Variants in ABL1 observed in about 807,000 individuals in gnomAD.
ABL1 encodes ABL proto-oncogene 1, non-receptor tyrosine kinase, also known as tyrosine-protein kinase ABL1.
ABL1 carries 11 observed loss-of-function variants against 94.7 expected under a neutral mutation model. The ratio of observed to expected loss-of-function variants is 0.12; its 90% CI spans 0.07 to 0.19. ABL1 has a LOEUF of 0.19. ABL1 is among the 10% of genes least tolerant of loss of function. The probability of loss-of-function intolerance (pLI) is 1.00; values close to 1 mark genes in which losing one functional copy is unlikely to be tolerated. For synonymous variants in ABL1, 656 were observed against 622.4 expected (o/e 1.05, Z -0.80); for missense variants, 1,082 against 1,489.4 (o/e 0.73, Z 4.50).
intron 1 of ABL1, among the ~76,000 whole-genome samples, chr9:130,797,826 T>G (rs1246532135): frequency 6.6e-6 from 1 of 152,218 alleles, no homozygotes; most frequent in Non-Finnish European, 1.5e-5. Flanking sequence ...ACACGGGATA[T>G]TCTTCTCCCA....
intron 1 of ABL1, among the ~76,000 whole-genome samples, chr9:130,823,085 C>T (rs1023740105): frequency 2.0e-5 from 3 of 152,156 alleles, no homozygotes; most frequent in South Asian, 2.1e-4. Flanking sequence ...TGTGAGCCAC[C>T]GTGCCCGGCC....
At chr9:130,868,968 C>G (rs1831205169) in intron 4 of ABL1, among the ~76,000 whole-genome samples, 1 of 151,974 alleles carries the variant, frequency 6.6e-6, no homozygotes, top group African/African-American at 2.4e-5. Context: ...GAGATCAAGA[C>G]CATCCTGGTT....
rs1159020296 is a variant in ABL1 at position 130,872,565 on chromosome 9, G to T, written c.908-295G>T. On this transcript the variant is annotated intron_variant, in intron 5 of 10. Transcript: ENST00000318560. This position sits in a 1 kb window ranked among gnomAD's most constrained non-coding sequence, Gnocchi z 5.0. Reference sequence around the variant, plus strand: ...AACCATCAGACCTAACCATTCAGGGGTAAACTGACGGTGGTGAAGGTCATT... The same window carrying T: ...AACCATCAGACCTAACCATTCAGGGTTAAACTGACGGTGGTGAAGGTCATT... Among the ~76,000 whole-genome samples the T allele has an allele frequency of 1.3e-5, 2 of 152,218 alleles. No homozygotes were observed. Among genetic ancestry groups the T allele is most frequent in the Non-Finnish European group, 2.9e-5 (2 of 68,032 alleles).
chr9:130,810,365 G>A (rs1269701319), intron 1 of ABL1, among the ~76,000 whole-genome samples: 3 of 152,156 alleles, frequency 2.0e-5, no homozygotes, highest in South Asian at 4.2e-4. Flanking sequence ...GTGTGGTAGC[G>A]TGCACCTATA....
exon 1 of ABL1, chr9:130,713,893 C>T (rs1424121415): frequency 4.3e-6 from 1 of 232,086 alleles, no homozygotes; most frequent in Admixed American, 5.6e-5. Flanking sequence ...TTGGTGACTT[C>T]CACAGGAAAA....
chr9:130,750,192 C>CATAT lies in ABL1; in HGVS notation c.136+35778_136+35781dup, dbSNP rs56263750. On this transcript the variant is annotated intron_variant, in intron 1 of 10. Transcript: ENST00000372348. ...ACCCTGACTCAAGAAAAAAAAAATACATATATATATATATATATATATATA... is the reference window on the plus strand; with the variant it reads ...ACCCTGACTCAAGAAAAAAAAAATACATATATATATATATATATATATATATATA... Among the ~76,000 whole-genome samples the CATAT allele has an allele frequency of 1.4e-3, 152 of 106,340 alleles. 2 individuals are homozygous for CATAT. Among genetic ancestry groups the CATAT allele is most frequent in the Non-Finnish European group, 2.2e-3 (110 of 49,694 alleles). The allele number at this position is 106,340 out of a possible 152,430, so 69.8% of individuals were successfully genotyped here. A position where few individuals can be genotyped will look rare whatever the true frequency, so the allele number is the denominator to read the frequency against.
chr9:130,865,746 C>CAAA lies in ABL1; in HGVS notation c.822+2731_822+2733dup, dbSNP rs36055589. On this transcript the variant is annotated intron_variant, in intron 4 of 10. Coordinates refer to ENST00000318560, the MANE Select transcript of ABL1 (RefSeq NM_005157.6). ...GGGGAGCAGAGTGAGACCCTGTCTC[C>CAAA]AAAAAAAAAAAAAAAAAAAAAAGCT... 2.3e-3 allele frequency among the ~76,000 whole-genome samples: 141 copies of CAAA among 61,508 alleles called. 1 individual carries two copies. The highest frequency in any genetic ancestry group is 7.3e-3 in the African/African-American group (130 of 17,900). 40.4% of individuals were successfully genotyped at this position (61,508 alleles called of 152,430 possible).
intron 1 of ABL1, among the ~76,000 whole-genome samples, chr9:130,773,593 G>C (rs963924390): frequency 1.3e-5 from 2 of 151,340 alleles, no homozygotes; most frequent in Admixed American, 6.6e-5. Context: ...TGAGTAACTG[G>C]GACTATAGGT....
intron 1 of ABL1, among the ~76,000 whole-genome samples, chr9:130,763,221 G>A (rs535023356): frequency 6.6e-6 from 1 of 151,434 alleles, no homozygotes; most frequent in East Asian, 1.9e-4. Context: ...TTGAATCCAA[G>A]TGAAGTGACC....
In ABL1 at chr9:130,839,888, C is replaced by T. The variant is rs374585256; in HGVS notation, c.79+4363C>T. 8.3e-4 allele frequency among the ~76,000 whole-genome samples: 126 copies of T among 152,308 alleles called. 1 individual carries two copies. The highest frequency in any genetic ancestry group is 2.7e-3 in the African/African-American group (113 of 41,566). Reference sequence around the variant, plus strand: ...CTCATTCTTCTGCACAGGCAGGCAGCTCCCGAGCCAGCCAGTCTGGACCCA... The same window carrying T: ...CTCATTCTTCTGCACAGGCAGGCAGTTCCCGAGCCAGCCAGTCTGGACCCA... On this transcript the variant is annotated intron_variant, in intron 1 of 10. Coordinates refer to ENST00000318560, the MANE Select transcript of ABL1 (RefSeq NM_005157.6).
intron 1 of ABL1, among the ~76,000 whole-genome samples, chr9:130,810,513 C>G (rs1830194273): frequency 6.9e-6 from 1 of 144,630 alleles, no homozygotes; most frequent in Non-Finnish European, 1.5e-5. Context: ...AAGAAAGATA[C>G]AGAGATGAAA....
Position 130,800,020 on chromosome 9 carries a change from C to T in ABL1, c.137-54044C>T, listed in dbSNP as rs1830034243. On this transcript the variant is annotated intron_variant, in intron 1 of 10. Transcript: ENST00000372348. The stretch of plus-strand genomic sequence containing the variant: ...TCCAAGTAGCTAGGACTACAGGCAC[C>T]TGTCACCAGGCCTGGCTAATTTTTG... Among the ~76,000 whole-genome samples, 3 of 152,080 alleles carry T rather than the reference C, an allele frequency of 2.0e-5. No individual in the cohort carries two copies. In the South Asian group the frequency reaches 6.2e-4, roughly 32 times the overall value.
chr9:130,777,171 C>T (rs1829672115), intron 1 of ABL1, among the ~76,000 whole-genome samples: 1 of 152,118 alleles, frequency 6.6e-6, no homozygotes, highest in African/African-American at 2.4e-5. Context: ...TATCTGTTTC[C>T]TTCAGGATAA....
In ABL1 at chr9:130,854,047, C is replaced by G. The variant is rs769190823; in HGVS notation, c.80-17C>G. 6.4e-7 allele frequency: 1 copy of G among 1,571,856 alleles called. No homozygotes were observed. The highest frequency in any genetic ancestry group is 8.6e-7 in the Non-Finnish European group (1 of 1,161,290). ...CTCTTCCTTTTTCTTTTTTCTGTTC[C>G]CCCCTTTCTCTTCCAGAAGCCCTTC... On this transcript the variant is annotated splice_polypyrimidine_tract_variant and intron_variant, in intron 1 of 10. Coordinates refer to ENST00000318560, the MANE Select transcript of ABL1 (RefSeq NM_005157.6).
At chr9:130,754,221 A>G (rs897559511) in intron 1 of ABL1, among the ~76,000 whole-genome samples, 13 of 136,134 alleles carry the variant, frequency 9.5e-5, no homozygotes, top group East Asian at 7.0e-4. Flanking sequence ...AAAAAAAAAA[A>G]AGAGAGACCA....
At chr9:130,802,737 T>G (rs574269549) in intron 1 of ABL1, among the ~76,000 whole-genome samples, 1 of 152,348 alleles carries the variant, frequency 6.6e-6, no homozygotes, top group African/African-American at 2.4e-5. Flanking sequence ...TTTGTCCCAC[T>G]GTCTTGCTTC....
intron 4 of ABL1, among the ~76,000 whole-genome samples, chr9:130,869,731 A>AT (rs1192100765): frequency 2.0e-5 from 3 of 152,188 alleles, no homozygotes; most frequent in Non-Finnish European, 2.9e-5. Context: ...AATGATAGGA[A>AT]TTTTTTTAAT....
At chr9:130,870,811 T>A (rs1265326343) in intron 4 of ABL1, among the ~76,000 whole-genome samples, 1 of 152,194 alleles carries the variant, frequency 6.6e-6, no homozygotes, top group East Asian at 1.9e-4. Flanking sequence ...CACGGAGCCC[T>A]GAGCTAAGAG....
chr9:130,852,321 C>A lies in ABL1; in HGVS notation c.80-1743C>A, dbSNP rs557864486. Among the ~76,000 whole-genome samples, 27 of 152,254 alleles carry A rather than the reference C, an allele frequency of 1.8e-4. No homozygotes were observed. In the South Asian group the frequency reaches 5.0e-3, roughly 28 times the overall value. ...TCTCCTACCTCAGCCTCCTGAGTAG[C>A]TGGGACTAGTAGCTGGAACTACAGG... On this transcript the variant is annotated intron_variant, in intron 1 of 10. Coordinates refer to ENST00000318560, the MANE Select transcript of ABL1 (RefSeq NM_005157.6).
Sources: gnomAD v4.1 joint callset for allele counts (sites outside exome capture counted in the v4.1 genomes callset) on GRCh38, gnomAD v4.1.1 for gene constraint, Gnocchi (gnomAD v3.1) non-coding constraint, MANE v1.5 for transcripts, NCBI Gene and HGNC (gene_info 2026-07-23, HGNC 2026-07-21) for gene names.